The following PHF21A variants were observed in gnomAD, a reference collection of about 807,000 sequenced individuals.
The protein encoded by PHF21A is BHC80a.
Under a neutral mutation model 82.5 loss-of-function variants are expected in PHF21A, and 11 were observed. That is an observed-to-expected ratio of 0.13 (90% CI 0.08 to 0.22). PHF21A has a LOEUF of 0.22. PHF21A is among the 10% of genes least tolerant of loss of function. The pLI, the probability that PHF21A is intolerant of heterozygous loss-of-function variation, is 1.00. For missense variants in PHF21A, 579 were observed against 837.8 expected (o/e 0.69, Z 3.81); for synonymous variants, 297 against 302.8 (o/e 0.98, Z 0.20).
At chr11:45,972,606 C>T (rs909022876) in intron 7 of PHF21A, among the ~76,000 whole-genome samples, 9 of 152,114 alleles carry the variant, frequency 5.9e-5, no homozygotes, top group African/African-American at 1.4e-4. Context: ...GGCGAAAGCC[C>T]GTCTCTACTA....
At position 46,097,430 on chromosome 11, in the gene PHF21A, T is replaced by C. The variant is rs1326714252; in HGVS notation, c.-236-5207A>G. On this transcript the variant is annotated intron_variant, in intron 1 of 18. Transcript: ENST00000676320. ...CAGACCCTCCAGGCAAGTTCCCTTC[T>C]TGGGGCTCTGGAACACTCTTTTCCT... Among the ~76,000 whole-genome samples the C allele has an allele frequency of 2.0e-5, 3 of 152,182 alleles. No individual in the cohort carries two copies. In the East Asian group the frequency reaches 5.8e-4, roughly 29 times the overall value.
At chr11:46,044,357 C>T (rs1464048431) in intron 6 of PHF21A, among the ~76,000 whole-genome samples, 1 of 152,044 alleles carries the variant, frequency 6.6e-6, no homozygotes, top group Non-Finnish European at 1.5e-5. Context: ...ATTTGAGGGT[C>T]AGCTGACCTA....
intron 6 of PHF21A, among the ~76,000 whole-genome samples, chr11:45,996,131 A>G (rs1250442336): frequency 1.3e-5 from 2 of 152,004 alleles, no homozygotes; most frequent in African/African-American, 2.4e-5. Flanking sequence ...TTCTGTAGAG[A>G]TGAGGTCTCA....
chr11:46,080,247 C>T (rs1438767063), intron 4 of PHF21A, among the ~76,000 whole-genome samples: 2 of 152,060 alleles, frequency 1.3e-5, no homozygotes, highest in Non-Finnish European at 2.9e-5. Context: ...CAGCCTTAAC[C>T]TCCTGGGCTT....
rs117648251 is a variant in PHF21A, at chr11:45,949,136, G to T, written c.1228-190C>A. Among the ~76,000 whole-genome samples, 22 of 152,288 alleles carry T rather than the reference G, an allele frequency of 1.4e-4. No individual in the cohort carries two copies. The East Asian group carries it at 4.2e-3, about 29-fold the overall frequency. ...CTCAGAGACTCTCTCAGAGAAGCCT[G>T]CCTCTGTTGCCGATGACAGCTGTAT... On this transcript the variant is annotated intron_variant, in intron 13 of 18. Transcript: ENST00000676320.
intron 6 of PHF21A, among the ~76,000 whole-genome samples, chr11:45,991,978 A>G (rs1039292036): frequency 6.6e-6 from 1 of 152,200 alleles, no homozygotes; most frequent in Admixed American, 6.5e-5. Context: ...TAATAGGATT[A>G]TTACCTATTG....
intron 10 of PHF21A, among the ~76,000 whole-genome samples, chr11:45,962,197 T>C (rs999862003): frequency 6.6e-6 from 1 of 152,228 alleles, no homozygotes; most frequent in Admixed American, 6.5e-5. Context: ...CAACTGGTAC[T>C]TAACACATTT....
At chr11:46,018,533 A>T (rs2095564208) in intron 6 of PHF21A, among the ~76,000 whole-genome samples, 1 of 152,240 alleles carries the variant, frequency 6.6e-6, no homozygotes, top group Non-Finnish European at 1.5e-5. Flanking sequence ...CAGAGAAAAC[A>T]GCTATCCTGA....
chr11:46,071,816 A>C (rs2096659812), intron 6 of PHF21A, among the ~76,000 whole-genome samples: 1 of 152,220 alleles, frequency 6.6e-6, no homozygotes, highest in Non-Finnish European at 1.5e-5. Context: ...GCTAATATTT[A>C]AAGCTGTTAA....
In PHF21A at chr11:45,953,635, A is replaced by T; in HGVS notation, c.997-10T>A. 5 of 1,574,238 alleles carry T rather than the reference A, an allele frequency of 3.2e-6. No individual in the cohort carries two copies. Among genetic ancestry groups the T allele is most frequent in the Non-Finnish European group, 4.4e-6 (5 of 1,146,258 alleles). On this transcript the variant is annotated splice_polypyrimidine_tract_variant and intron_variant, in intron 10 of 18. Coordinates refer to ENST00000676320, the MANE Select transcript of PHF21A (RefSeq NM_001352027.3). ...TGTGAGATTTAACTGTCTAGGAGAG[A>T]AAAATTAAATAAAAATTCAGAATTC...
chr11:46,087,384 T>C (rs991096711), intron 3 of PHF21A, among the ~76,000 whole-genome samples: 1 of 152,208 alleles, frequency 6.6e-6, no homozygotes, highest in Non-Finnish European at 1.5e-5. Context: ...CTCCATCAGA[T>C]TGTTGTCTGC....
rs2089146548 is a variant in PHF21A, at chr11:45,936,697, G to C, written c.1609-128C>G. 3 of 679,436 alleles carry C rather than the reference G, an allele frequency of 4.4e-6. No homozygotes were observed. In the East Asian group the frequency reaches 8.0e-5, roughly 18 times the overall value. 42.1% of individuals were successfully genotyped at this position (679,436 alleles called of 1,614,324 possible). A position where few individuals can be genotyped will look rare whatever the true frequency, so the allele number is the denominator to read the frequency against. ...AGGAAGGATTTATGGTAGCAGTGTT[G>C]CAAAACCCTGGTCTATAGTTTCTGG... On this transcript the variant is annotated intron_variant, in intron 16 of 18. Coordinates refer to ENST00000676320, the MANE Select transcript of PHF21A (RefSeq NM_001352027.3).
Position 45,979,868 on chromosome 11 carries a change from T to C in PHF21A, c.252A>G (p.Leu84=), listed in dbSNP as rs764600709. Residue 84 remains leucine (L), a synonymous_variant, in exon 7 of 19, where the codon CTA becomes CTG. Transcript: ENST00000676320. The part of the protein sequence containing the change: ...IQPLPQSENK[L]QTAQQQPLQQ... ...GTAGTGGTTGCTGCTGTGCTGTTTGTAGTTTGTTTTCAGATTGTGGCAATG... is the reference window on the plus strand; with the variant it reads ...GTAGTGGTTGCTGCTGTGCTGTTTGCAGTTTGTTTTCAGATTGTGGCAATG... The C allele has an allele frequency of 6.2e-7, 1 of 1,614,200 alleles. No individual in the cohort carries two copies. Among genetic ancestry groups the C allele is most frequent in the South Asian group, 1.1e-5 (1 of 91,088 alleles).
chr11:46,027,856 G>T (rs2095783159), intron 6 of PHF21A, among the ~76,000 whole-genome samples: 1 of 152,094 alleles, frequency 6.6e-6, no homozygotes, highest in Admixed American at 6.5e-5. Context: ...TACTTTATTT[G>T]TAGTAAGTAC....
chr11:45,958,431 T>A lies in PHF21A; in HGVS notation c.997-4806A>T, dbSNP rs1388738451. ...AAAAAAAAAAAAAAATATATATATA[T>A]ATATATATATATATATATACACACA... On this transcript the variant is annotated intron_variant, in intron 10 of 18. Coordinates refer to ENST00000676320, the MANE Select transcript of PHF21A (RefSeq NM_001352027.3). 9.7e-4 allele frequency among the ~76,000 whole-genome samples: 19 copies of A among 19,560 alleles called. 1 individual carries two copies. The highest frequency in any genetic ancestry group is 9.3e-3 in the East Asian group (1 of 108). 12.8% of individuals were successfully genotyped at this position (19,560 alleles called of 152,430 possible). A position where few individuals can be genotyped will look rare whatever the true frequency, so the allele number is the denominator to read the frequency against.
At chr11:45,934,888 T>C (rs1055551641) in intron 18 of PHF21A, 2 of 361,304 alleles carry the variant, frequency 5.5e-6, no homozygotes, top group African/African-American at 2.1e-5. Flanking sequence ...TAAATCTGCA[T>C]GCCATGGGTA....
At chr11:45,976,045 A>C (rs2094006484) in intron 7 of PHF21A, among the ~76,000 whole-genome samples, 1 of 152,130 alleles carries the variant, frequency 6.6e-6, no homozygotes, top group Non-Finnish European at 1.5e-5. Context: ...ACTGTTAAAA[A>C]ACCCAGAAGC....
At chr11:46,067,370 G>A (rs2096606571) in intron 6 of PHF21A, among the ~76,000 whole-genome samples, 1 of 152,118 alleles carries the variant, frequency 6.6e-6, no homozygotes, top group Non-Finnish European at 1.5e-5. Flanking sequence ...GGTTTTCTGA[G>A]GTAAGTGACG....
intron 1 of PHF21A, among the ~76,000 whole-genome samples, chr11:46,115,023 T>C (rs902168421): frequency 6.6e-6 from 1 of 152,198 alleles, no homozygotes; most frequent in African/African-American, 2.4e-5. Context: ...CTTGACTACT[T>C]AGAAAAGGCA....
Sources: gnomAD v4.1 joint callset for allele counts (sites outside exome capture counted in the v4.1 genomes callset) on GRCh38, gnomAD v4.1.1 for gene constraint, MANE v1.5 for transcripts, NCBI Gene and HGNC (gene_info 2026-07-23, HGNC 2026-07-21) for gene names.